Variants in AKAP13 observed in about 807,000 individuals in gnomAD.
The protein encoded by AKAP13 is A-kinase anchoring protein 13, also known as A-kinase anchor protein 13.
A neutral mutation model predicts 264.5 loss-of-function variants in AKAP13; 80 were observed. That is an observed-to-expected ratio of 0.30 (90% confidence interval 0.25 to 0.36). AKAP13 has a LOEUF of 0.36. Ranked by LOEUF, AKAP13 falls within the 10% of genes least tolerant of loss-of-function variation. AKAP13 has a pLI of 1.00. For missense variants in AKAP13, 3,712 were observed against 3,435.2 expected (o/e 1.08, Z -2.01); for synonymous variants, 1,380 against 1,250.2 (o/e 1.10, Z -2.19).
At chr15:85,639,821 A>G (rs769981700) in intron 9 of AKAP13, among the ~76,000 whole-genome samples, 19 of 152,226 alleles carry the variant, frequency 1.2e-4, no homozygotes, top group African/African-American at 4.1e-4. Flanking sequence ...CTTTAAAAAT[A>G]TACTGATGCC....
At chr15:85,671,975 C>T (rs947785384) in intron 14 of AKAP13, among the ~76,000 whole-genome samples, 4 of 152,158 alleles carry the variant, frequency 2.6e-5, no homozygotes, top group African/African-American at 9.7e-5. Context: ...TCACAAAACA[C>T]GGTGCTTTTT....
chr15:85,645,113 T>C (rs2151488348), intron 9 of AKAP13, among the ~76,000 whole-genome samples: 1 of 152,238 alleles, frequency 6.6e-6, no homozygotes, highest in Non-Finnish European at 1.5e-5. Context: ...GAACGAGAAC[T>C]TGTCTCAAAA....
At chr15:85,574,169 G>T (rs1405316888) in intron 5 of AKAP13, among the ~76,000 whole-genome samples, 1 of 152,240 alleles carries the variant, frequency 6.6e-6, no homozygotes, top group African/African-American at 2.4e-5. Context: ...TGTGCTGAAT[G>T]TAGAAGAGGG....
At chr15:85,465,049 TC>T (rs1431956749) in intron 1 of AKAP13, among the ~76,000 whole-genome samples, 1 of 151,890 alleles carries the variant, frequency 6.6e-6, no homozygotes, top group Middle Eastern at 3.2e-3. Context: ...CATGCCATAC[TC>T]CTGCCTCAGC....
At chr15:85,645,776 T>TTG (rs1555454663) in intron 9 of AKAP13, 42 bp from the exon 10 acceptor site, 4 of 1,158,746 alleles carry the variant, frequency 3.5e-6, no homozygotes, top group South Asian at 1.7e-5. Context: ...GGTTTTTTTG[T>TTG]TTTTTTTTTT....
chr15:85,606,911 C>A (rs945570161), intron 8 of AKAP13, among the ~76,000 whole-genome samples: 1 of 152,164 alleles, frequency 6.6e-6, no homozygotes, highest in Non-Finnish European at 1.5e-5. Context: ...CCCAATGGGT[C>A]ACACTAGTAT....
intron 2 of AKAP13, among the ~76,000 whole-genome samples, chr15:85,517,643 C>T (rs1007128559): frequency 1.8e-4 from 28 of 152,050 alleles, no homozygotes; most frequent in African/African-American, 6.0e-4. Context: ...CCATTTAAAA[C>T]CCCATTTTAA....
chr15:85,741,709 A>AAC (rs1555466278), intron 35 of AKAP13, among the ~76,000 whole-genome samples: 1 of 105,032 alleles, frequency 9.5e-6, no homozygotes, highest in Non-Finnish European at 2.0e-5. Flanking sequence ...AAAAAAAAAA[A>AAC]AAAAAAACAA....
chr15:85,519,133 A>G (rs2076716559), intron 2 of AKAP13, among the ~76,000 whole-genome samples: 1 of 152,124 alleles, frequency 6.6e-6, no homozygotes, highest in Non-Finnish European at 1.5e-5. Flanking sequence ...ATAGTAAATA[A>G]TTTAGGCTGT....
chr15:85,431,984 T>A (rs2073042593), intron 1 of AKAP13, among the ~76,000 whole-genome samples: 1 of 152,176 alleles, frequency 6.6e-6, no homozygotes, highest in Non-Finnish European at 1.5e-5. Flanking sequence ...GGATTTGGTG[T>A]ATGAAAAAGA....
intron 1 of AKAP13, among the ~76,000 whole-genome samples, chr15:85,445,276 C>T (rs886671478): frequency 1.3e-5 from 2 of 152,198 alleles, no homozygotes; most frequent in African/African-American, 4.8e-5. Context: ...AGCAACTTGG[C>T]ACCTTACCAC....
chr15:85,389,376 G>A (rs2070744141), intron 1 of AKAP13, among the ~76,000 whole-genome samples: 1 of 152,190 alleles, frequency 6.6e-6, no homozygotes, highest in African/African-American at 2.4e-5. Flanking sequence ...AAGCTGGGGC[G>A]ATTTTAGGGC....
intron 1 of AKAP13, among the ~76,000 whole-genome samples, chr15:85,418,550 A>G (rs569610301): frequency 1.3e-5 from 2 of 152,326 alleles, no homozygotes; most frequent in Non-Finnish European, 2.9e-5. Context: ...GGCCAGTACT[A>G]TAAGCGGTAA....
chr15:85,730,894 A>C (rs890831599), intron 30 of AKAP13, among the ~76,000 whole-genome samples, 187 bp downstream of exon 30: 1 of 151,988 alleles, frequency 6.6e-6, no homozygotes, highest in East Asian at 1.9e-4. Flanking sequence ...CAAGAACTTA[A>C]AGGGGCCCTG....
chr15:85,574,238 G>A (rs1409003230), intron 5 of AKAP13, among the ~76,000 whole-genome samples: 1 of 152,124 alleles, frequency 6.6e-6, no homozygotes, highest in Non-Finnish European at 1.5e-5. Flanking sequence ...GATTGTGTGG[G>A]GTATGATTGT....
rs143393266 is a variant in AKAP13, at chr15:85,710,905, G to C, written c.5599+260G>C. On this transcript the variant is annotated intron_variant, in intron 19 of 36. Transcript: ENST00000394518. Reference sequence around the variant, plus strand: ...CTTTGCCCTGTGTGTTTAAGCAAGTGACCCCTGCGCATCTCAACTTCCTCT... The same window carrying C: ...CTTTGCCCTGTGTGTTTAAGCAAGTCACCCCTGCGCATCTCAACTTCCTCT... Among the ~76,000 whole-genome samples the C allele has an allele frequency of 4.0e-4, 61 of 152,196 alleles. 1 individual carries two copies. Among genetic ancestry groups the C allele is most frequent in the Non-Finnish European group, 8.7e-4 (59 of 68,018 alleles).
chr15:85,726,128 C>T (rs1170643223), intron 26 of AKAP13: 1 of 286,582 alleles, frequency 3.5e-6, no homozygotes, highest in Non-Finnish European at 6.5e-6. Context: ...AAAATCTTGT[C>T]TTATGGGATA....
intron 5 of AKAP13, among the ~76,000 whole-genome samples, chr15:85,559,127 T>C (rs2078258729): frequency 1.3e-5 from 2 of 152,120 alleles, no homozygotes; most frequent in Admixed American, 1.3e-4. Flanking sequence ...TGGTCAACAG[T>C]GGTAATGTTC....
chr15:85,521,520 T>C lies in AKAP13; in HGVS notation c.126T>C (p.Arg42=), dbSNP rs372292458. Residue 42 remains arginine, a synonymous_variant, in exon 3 of 37, where the codon CGT becomes CGC. Coordinates refer to ENST00000394518, the MANE Select transcript of AKAP13 (RefSeq NM_007200.5). ...TGGTATTTTTGGGTTCCACCCTCCG[T>C]CACTGTACAAGTACTCGGAAGGTCA... ...FYLVFLGSTL[R]HCTSTRKVSS... 1.9e-5 allele frequency: 30 copies of C among 1,614,068 alleles called. No homozygotes were observed. The highest frequency in any genetic ancestry group is 2.5e-5 in the Non-Finnish European group (30 of 1,180,046).
Sources: gnomAD v4.1 joint callset for allele counts (sites outside exome capture counted in the v4.1 genomes callset) on GRCh38, gnomAD v4.1.1 for gene constraint, MANE v1.5 for transcripts, NCBI Gene and HGNC (gene_info 2026-07-23, HGNC 2026-07-21) for gene names.